PCDHGA2: variants seen among roughly 807,000 people sequenced by gnomAD.
PCDHGA2 encodes protocadherin gamma subfamily A, 2, also known as protocadherin gamma-A2.
Under a neutral mutation model 59.2 loss-of-function variants are expected in PCDHGA2, and 40 were observed. The ratio of observed to expected loss-of-function variants is 0.68; its 90% CI spans 0.52 to 0.88. PCDHGA2 has a LOEUF of 0.88. PCDHGA2 is among the 40% of genes least tolerant of loss of function. PCDHGA2 has a pLI of 0.00. For synonymous variants in PCDHGA2, 560 were observed against 526.0 expected (o/e 1.06, Z -0.89); for missense variants, 1,226 against 1,204.0 (o/e 1.02, Z -0.27).
intron 1 of PCDHGA2, chr5:141,383,835 T>C (rs950729427): frequency 4.3e-6 from 7 of 1,613,802 alleles, no homozygotes; most frequent in Admixed American, 1.7e-5. Flanking sequence ...ATGAAGAAAC[T>C]GCCTTCTATG....
intron 1 of PCDHGA2, chr5:141,423,468 A>G (rs1474468597): frequency 6.2e-7 from 1 of 1,613,960 alleles, no homozygotes; most frequent in Admixed American, 1.7e-5. Flanking sequence ...TGGACGGGGT[A>G]CAGGCTTTCC....
chr5:141,479,572 T>G (rs956648090), intron 1 of PCDHGA2: 2 of 152,190 alleles, frequency 1.3e-5, no homozygotes, highest in African/African-American at 2.4e-5. Context: ...TGGGATGACA[T>G]CTGTGAATAG....
At chr5:141,403,875 A>T in intron 1 of PCDHGA2, 1 of 1,613,816 alleles carries the variant, frequency 6.2e-7, no homozygotes, top group Non-Finnish European at 8.5e-7. Flanking sequence ...AAAAGTCTAG[A>T]TTATGAAGAA....
intron 1 of PCDHGA2, chr5:141,412,862 T>A (rs957973834): frequency 7.5e-5 from 18 of 241,156 alleles, no homozygotes; most frequent in African/African-American, 3.4e-4. Context: ...AAAGAATCTA[T>A]GTAAAATATA....
At chr5:141,414,134 A>T in intron 1 of PCDHGA2, 1 of 1,595,028 alleles carries the variant, frequency 6.3e-7, no homozygotes, top group South Asian at 1.1e-5. Flanking sequence ...GGTTTCTATG[A>T]AATAGAAATA....
At chr5:141,377,672 C>CAAG (rs1410106152) in intron 1 of PCDHGA2, 2 of 151,680 alleles carry the variant, frequency 1.3e-5, no homozygotes, top group Admixed American at 1.3e-4. Context: ...GACGTTCATA[C>CAAG]AAGAGATCTT....
intron 1 of PCDHGA2, chr5:141,412,984 C>G: frequency 1.8e-6 from 1 of 558,874 alleles, no homozygotes; most frequent in Non-Finnish European, 3.0e-6. Flanking sequence ...GCAGCCAGAG[C>G]TCAATCCGGA....
chr5:141,483,786 C>T (rs2099587125), intron 1 of PCDHGA2, among the ~76,000 whole-genome samples: 1 of 152,136 alleles, frequency 6.6e-6, no homozygotes, highest in African/African-American at 2.4e-5. Context: ...AGGATAAGAA[C>T]TCCAGTTGTT....
intron 1 of PCDHGA2, chr5:141,355,438 C>T: frequency 1.9e-6 from 3 of 1,614,084 alleles, no homozygotes; most frequent in Non-Finnish European, 2.5e-6. Context: ...CCTGAACCCG[C>T]GCAGCGGCAC....
intron 1 of PCDHGA2, chr5:141,399,725 A>G (rs2093873556): frequency 6.2e-7 from 1 of 1,613,192 alleles, no homozygotes; most frequent in Admixed American, 1.7e-5. Flanking sequence ...GCCCGCGACC[A>G]GGGCTCGCCT....
At chr5:141,364,392 G>A in intron 1 of PCDHGA2, 1 of 1,603,098 alleles carries the variant, frequency 6.2e-7, no homozygotes, top group East Asian at 2.2e-5. Flanking sequence ...ATGCTCCTGG[G>A]GACGCTGTGC....
At position 141,384,825 on chromosome 5, in the gene PCDHGA2, C is replaced by T. The variant is rs570988671; in HGVS notation, c.2424+43430C>T. On this transcript the variant is annotated intron_variant, in intron 1 of 3. Transcript: ENST00000394576. ...ACAGAGATGCCCTCAAGCAGAGCCT[C>T]GTGGTGGCCGTCCAGGACCACGGTC... The T allele has an allele frequency of 5.0e-6, 8 of 1,613,474 alleles. No homozygotes were observed. The African/African-American group carries it at 9.3e-5, about 19-fold the overall frequency.
Position 141,423,157 on chromosome 5 carries a change from G to C in PCDHGA2, c.2425-71650G>C, listed in dbSNP as rs527921011. The C allele has an allele frequency of 7.4e-6, 12 of 1,610,820 alleles. No homozygotes were observed. The South Asian group carries it at 1.2e-4, about 16-fold the overall frequency. ...CAGAGACGCGCTCAAGCAGAGCCTC[G>C]TGGTGGCCGTCCAGGACCACGGCCA... On this transcript the variant is annotated intron_variant, in intron 1 of 3. Coordinates refer to ENST00000394576, the MANE Select transcript of PCDHGA2 (RefSeq NM_018915.4).
chr5:141,437,388 C>T (rs1434464979), intron 1 of PCDHGA2, among the ~76,000 whole-genome samples: 1 of 152,186 alleles, frequency 6.6e-6, no homozygotes, highest in Non-Finnish European at 1.5e-5. Context: ...AGACATTCAT[C>T]CACTGCTTTC....
Position 141,432,038 on chromosome 5 carries a change from C to A in PCDHGA2, c.2425-62769C>A. On this transcript the variant is annotated intron_variant, in intron 1 of 3. Transcript: ENST00000394576. The surrounding 1 kb of genome is among the most constrained non-coding windows in gnomAD (Gnocchi z 6.0). ...CAACATCACAGTGACCGCCACTGAC[C>A]GGGGAACCCCGCCCCTATCCACGGA... 1 of 1,614,190 alleles carries A rather than the reference C, an allele frequency of 6.2e-7. No homozygotes were observed. The highest frequency in any genetic ancestry group is 1.1e-5 in the South Asian group (1 of 91,072).
chr5:141,413,723 C>G, intron 1 of PCDHGA2: 1 of 1,613,552 alleles, frequency 6.2e-7, no homozygotes, highest in Non-Finnish European at 8.5e-7. Context: ...AAGCACTTCT[C>G]CCTAAGAGTT....
chr5:141,472,852 G>A (rs1354948628), intron 1 of PCDHGA2, among the ~76,000 whole-genome samples: 1 of 151,160 alleles, frequency 6.6e-6, no homozygotes, highest in African/African-American at 2.4e-5. Flanking sequence ...TGGGCATGGT[G>A]GCACATGCCT....
intron 1 of PCDHGA2, chr5:141,428,285 C>G (rs765814584): frequency 1.1e-5 from 8 of 734,934 alleles, no homozygotes; most frequent in Non-Finnish European, 1.7e-5. Context: ...GATTCCCAAG[C>G]AAAGCTGCAG....
intron 1 of PCDHGA2, chr5:141,411,017 A>C (rs140607036): frequency 6.2e-6 from 1 of 162,372 alleles, no homozygotes; most frequent in Non-Finnish European, 1.3e-5. Context: ...CCACAGCTAA[A>C]TTTTTTGTAT....
Sources: gnomAD v4.1 joint callset for allele counts (sites outside exome capture counted in the v4.1 genomes callset) on GRCh38, gnomAD v4.1.1 for gene constraint, Gnocchi (gnomAD v3.1) non-coding constraint, MANE v1.5 for transcripts, NCBI Gene and HGNC (gene_info 2026-07-23, HGNC 2026-07-21) for gene names.